DCDC1: variants seen among roughly 807,000 people sequenced by gnomAD.
DCDC1 encodes doublecortin domain containing 1.
In DCDC1, 200 loss-of-function variants were observed where a neutral mutation model predicts 178.3. The ratio of observed to expected loss-of-function variants is 1.12; its 90% CI spans 1.00 to 1.26. The LOEUF is 1.26. Ranked by LOEUF, DCDC1 falls within the 50% of genes most tolerant of loss-of-function variation. DCDC1 has a pLI of 0.00. For missense variants in DCDC1, 1,983 were observed against 1,749.2 expected (o/e 1.13, Z -2.38); for synonymous variants, 690 against 604.8 (o/e 1.14, Z -2.07).
intron 31 of DCDC1, chr11:30,904,552 A>G (rs1944926380): frequency 5.3e-6 from 1 of 188,078 alleles, no homozygotes; most frequent in Non-Finnish European, 1.1e-5. Context: ...CATCCTATCA[A>G]CACATAAATG....
intron 20 of DCDC1, among the ~76,000 whole-genome samples, chr11:31,061,630 GCTCA>G (rs1316518842): frequency 6.6e-6 from 1 of 152,102 alleles, no homozygotes; most frequent in African/African-American, 2.4e-5. Context: ...CCTGAGAAAT[GCTCA>G]CTAAGAAAAT....
chr11:31,357,622 C>G (rs1344535660), intron 1 of DCDC1, among the ~76,000 whole-genome samples: 2 of 151,994 alleles, frequency 1.3e-5, no homozygotes, highest in African/African-American at 4.8e-5. Context: ...AAAGGGTATT[C>G]AATTAGGAAA....
rs201975340 is a variant in DCDC1, at chr11:31,328,296, A to T, written c.-6-10T>A. ...TTTTTGCCATTTTCAGCTAAAAATG[A>T]TAAAGAATGTTATTTAATTTTAAAT... is the stretch of plus-strand genomic sequence containing the variant. On this transcript the variant is annotated splice_polypyrimidine_tract_variant and intron_variant, in intron 2 of 38. Coordinates refer to ENST00000684477, the MANE Select transcript of DCDC1 (RefSeq NM_001387274.1). 1.1e-5 allele frequency: 17 copies of T among 1,551,826 alleles called. No individual in the cohort carries two copies. The highest frequency in any genetic ancestry group is 1.5e-5 in the Non-Finnish European group (17 of 1,146,262).
intron 11 of DCDC1, among the ~76,000 whole-genome samples, chr11:31,114,950 G>A (rs1024628945): frequency 6.6e-6 from 1 of 152,108 alleles, no homozygotes; most frequent in African/African-American, 2.4e-5. Context: ...TTCTGTCAGA[G>A]TTATGCTATT....
chr11:30,896,878 G>A (rs273565), intron 34 of DCDC1, among the ~76,000 whole-genome samples: 105,829 of 152,086 alleles, frequency 0.7, 37,276 homozygotes, highest in Middle Eastern at 0.81. Flanking sequence ...GAAATGTAAA[G>A]TCAGCCTAGC....
At chr11:30,873,117 C>T (rs1419106645) in intron 38 of DCDC1, among the ~76,000 whole-genome samples, 4 of 150,776 alleles carry the variant, frequency 2.7e-5, no homozygotes, top group Admixed American at 2.0e-4. Flanking sequence ...CTCTCTCTCT[C>T]TCTATCTTCT....
intron 9 of DCDC1, among the ~76,000 whole-genome samples, chr11:31,173,759 A>ACAAACAC (rs1565383953): frequency 4.6e-5 from 6 of 130,414 alleles, no homozygotes; most frequent in East Asian, 3.3e-4. Context: ...CACACACACA[A>ACAAACAC]ACACACACAC....
At chr11:30,887,741 G>GGCT (rs1943302282) in intron 36 of DCDC1, among the ~76,000 whole-genome samples, 1 of 152,090 alleles carries the variant, frequency 6.6e-6, no homozygotes, top group South Asian at 2.1e-4. Flanking sequence ...CAGGTGTGGT[G>GGCT]GCTCATACCT....
At chr11:30,890,646 C>T (rs1943693751) in intron 36 of DCDC1, among the ~76,000 whole-genome samples, 1 of 152,106 alleles carries the variant, frequency 6.6e-6, no homozygotes, top group Non-Finnish European at 1.5e-5. Flanking sequence ...AAATATAGAA[C>T]ACATAGGAAA....
At chr11:31,053,429 A>G (rs558668190) in intron 20 of DCDC1, among the ~76,000 whole-genome samples, 1 of 152,278 alleles carries the variant, frequency 6.6e-6, no homozygotes, top group South Asian at 2.1e-4. Context: ...CAATCTTTTG[A>G]CACTATTCCA....
At chr11:31,124,416 G>T (rs896018111) in intron 11 of DCDC1, among the ~76,000 whole-genome samples, 13 of 152,000 alleles carry the variant, frequency 8.6e-5, no homozygotes, top group African/African-American at 2.9e-4. Context: ...ATTCTTCAAA[G>T]AATTAGAAAA....
chr11:30,920,551 T>C (rs1210272773), intron 25 of DCDC1, among the ~76,000 whole-genome samples: 1 of 152,188 alleles, frequency 6.6e-6, no homozygotes, highest in Non-Finnish European at 1.5e-5. Context: ...TTAAAAATAA[T>C]AACATTGTAA....
chr11:31,058,575 AG>A (rs1450178434), intron 20 of DCDC1, among the ~76,000 whole-genome samples: 2 of 152,092 alleles, frequency 1.3e-5, no homozygotes, highest in African/African-American at 4.8e-5. Context: ...GAGCAGAGGA[AG>A]GGAGGGAAAT....
At chr11:30,869,991 A>G (rs994016519) in intron 38 of DCDC1, among the ~76,000 whole-genome samples, 14 of 152,196 alleles carry the variant, frequency 9.2e-5, no homozygotes, top group African/African-American at 3.1e-4. Context: ...GGGTGTGTGC[A>G]GTGACTAGTT....
intron 6 of DCDC1, among the ~76,000 whole-genome samples, chr11:31,294,449 G>C (rs997854149): frequency 4.0e-5 from 6 of 151,040 alleles, no homozygotes; most frequent in Non-Finnish European, 7.4e-5. Flanking sequence ...CAGGCATTGT[G>C]GTGGGCGCCT....
intron 38 of DCDC1, among the ~76,000 whole-genome samples, chr11:30,873,339 A>G (rs11031232): frequency 0.048 from 6,507 of 136,386 alleles, 385 homozygotes; most frequent in African/African-American, 0.17. Flanking sequence ...ATGTGTGTGT[A>G]TATACATATA....
chr11:30,908,800 A>G, intron 29 of DCDC1, 146 bp downstream of exon 29: 1 of 560,000 alleles, frequency 1.8e-6, no homozygotes, highest in South Asian at 5.1e-5. Flanking sequence ...TCCTACCAGA[A>G]TCAGAGTCTA....
chr11:31,008,349 C>T (rs1951976156), intron 20 of DCDC1, among the ~76,000 whole-genome samples: 1 of 151,986 alleles, frequency 6.6e-6, no homozygotes, highest in Non-Finnish European at 1.5e-5. Flanking sequence ...CACAAAGAAA[C>T]AGAGTAAGAG....
intron 38 of DCDC1, among the ~76,000 whole-genome samples, chr11:30,868,472 A>G (rs574729585): frequency 1.3e-5 from 2 of 151,908 alleles, no homozygotes; most frequent in African/African-American, 4.8e-5. Context: ...GCTGGTCTTG[A>G]ACTCCTGACC....
Sources: gnomAD v4.1 joint callset for allele counts (sites outside exome capture counted in the v4.1 genomes callset) on GRCh38, gnomAD v4.1.1 for gene constraint, MANE v1.5 for transcripts, NCBI Gene and HGNC (gene_info 2026-07-23, HGNC 2026-07-21) for gene names.